Variants in BDP1 observed in about 807,000 individuals in gnomAD.
BDP1 encodes the protein transcription factor TFIIIB component B'' homolog.
A neutral mutation model predicts 266.6 loss-of-function variants in BDP1; 169 were observed. That is an observed-to-expected ratio of 0.63 (90% CI 0.56 to 0.72). The LOEUF is 0.72. BDP1 is among the 30% of genes least tolerant of loss of function. The pLI, the probability that BDP1 is intolerant of heterozygous loss-of-function variation, is 0.00. For synonymous variants in BDP1, 1,090 were observed against 1,022.4 expected (o/e 1.07, Z -1.26); for missense variants, 3,015 against 3,053.8 (o/e 0.99, Z 0.30).
In BDP1 at chr5:71,510,893, A is replaced by G. The variant is rs949106266; in HGVS notation, c.3801A>G (p.Lys1267=). The G allele has an allele frequency of 2.5e-6, 4 of 1,613,826 alleles. No individual in the cohort carries two copies. Among genetic ancestry groups the G allele is most frequent in the Non-Finnish European group, 1.7e-6 (2 of 1,179,794 alleles). ...AAAGAGACATTCCCATCATGGAGAAAGTATCAGGAAAGATGGCTGTTGTTG... is the reference window on the plus strand; with the variant it reads ...AAAGAGACATTCCCATCATGGAGAAGGTATCAGGAAAGATGGCTGTTGTTG... ...TGKRDIPIME[K]VSGKMAVVEE... The change falls in exon 17 of 39, where the codon AAA becomes AAG. Residue 1267 remains lysine, a synonymous_variant. Coordinates refer to ENST00000358731, the MANE Select transcript of BDP1 (RefSeq NM_018429.3).
At chr5:71,562,624 A>G in intron 38 of BDP1, 104 bp downstream of exon 38, 1 of 1,502,966 alleles carries the variant, frequency 6.7e-7, no homozygotes, top group South Asian at 1.2e-5. Flanking sequence ...GATGTCAGAA[A>G]TTATTTTAGA....
intron 13 of BDP1, 147 bp downstream of exon 13, chr5:71,497,573 G>A (rs764290641): frequency 1.3e-5 from 8 of 614,528 alleles, no homozygotes; most frequent in Middle Eastern, 4.3e-4. Context: ...AGATTTGTTC[G>A]TATCTTATTA....
At chr5:71,549,691 T>A in intron 34 of BDP1, 85 bp downstream of exon 34, 1 of 1,094,278 alleles carries the variant, frequency 9.1e-7, no homozygotes, top group Non-Finnish European at 1.3e-6. Context: ...CATTCACCAA[T>A]GTTAGTTGTT....
At chr5:71,561,787 G>A (rs1001649010) in intron 37 of BDP1, among the ~76,000 whole-genome samples, 4 of 152,160 alleles carry the variant, frequency 2.6e-5, no homozygotes, top group Non-Finnish European at 5.9e-5. Context: ...GGCCATGCCC[G>A]CTACCAACTG....
intron 23 of BDP1, 50 bp from the exon 24 acceptor site, chr5:71,522,706 A>G: frequency 4.0e-6 from 6 of 1,512,310 alleles, no homozygotes; most frequent in Middle Eastern, 1.8e-4. Flanking sequence ...CCAAATTAAC[A>G]TAGAGATTGT....
intron 25 of BDP1, among the ~76,000 whole-genome samples, chr5:71,530,342 C>T (rs947180959): frequency 2.0e-5 from 3 of 152,138 alleles, no homozygotes; most frequent in Admixed American, 2.0e-4. Context: ...TCAAGCAATC[C>T]TCCCACCTCA....
At chr5:71,548,597 C>A (rs1158350115) in intron 32 of BDP1, 85 bp from the exon 33 acceptor site, 1 of 824,824 alleles carries the variant, frequency 1.2e-6, no homozygotes. Context: ...GAGTTAATCT[C>A]TTCACTATAT....
intron 34 of BDP1, among the ~76,000 whole-genome samples, chr5:71,550,659 CATTAATTAAGATAAT>C (rs1335146604): frequency 6.6e-6 from 1 of 151,944 alleles, no homozygotes; most frequent in Non-Finnish European, 1.5e-5. Context: ...TCTTAACTAC[CATTAATTAAGATAAT>C]TGTCCATCGT....
chr5:71,560,525 A>G (rs1743568076), intron 37 of BDP1, among the ~76,000 whole-genome samples: 1 of 152,234 alleles, frequency 6.6e-6, no homozygotes, highest in Admixed American at 6.5e-5. Context: ...TACATAATCT[A>G]CCATGTTCAG....
rs1764454911 is a variant in BDP1, at chr5:71,504,478, A to G, written c.2242-143A>G. The G allele has an allele frequency of 8.3e-6, 6 of 724,090 alleles. No individual in the cohort carries two copies. The Admixed American group carries it at 1.3e-4, about 16-fold the overall frequency. The allele number at this position is 724,090 out of a possible 1,614,324, so 44.9% of individuals were successfully genotyped here. A position where few individuals can be genotyped will look rare whatever the true frequency, so the allele number is the denominator to read the frequency against. The stretch of plus-strand genomic sequence containing the variant: ...TGAAATTTTCTAAGATAGCTAAAGA[A>G]AAAACATTAAAAGTATTTTAAAGTC... On this transcript the variant is annotated intron_variant, in intron 15 of 38. Transcript: ENST00000358731.
At chr5:71,468,832 C>G (rs906102884) in intron 6 of BDP1, among the ~76,000 whole-genome samples, 1 of 151,778 alleles carries the variant, frequency 6.6e-6, no homozygotes, top group Non-Finnish European at 1.5e-5. Context: ...GTCTCGAACT[C>G]CTGACCTCAG....
chr5:71,504,900 G>T (rs1764492519), intron 16 of BDP1, 149 bp downstream of exon 16: 2 of 736,584 alleles, frequency 2.7e-6, no homozygotes, highest in African/African-American at 3.6e-5. Flanking sequence ...CACCTTTCAA[G>T]AAAGTTTATG....
intron 7 of BDP1, among the ~76,000 whole-genome samples, chr5:71,478,839 C>T (rs1045613008): frequency 3.3e-5 from 5 of 152,110 alleles, no homozygotes; most frequent in Admixed American, 1.3e-4. Context: ...CCCCATGTGA[C>T]GTTCTACAGG....
intron 9 of BDP1, among the ~76,000 whole-genome samples, chr5:71,488,700 A>G (rs896828570): frequency 6.7e-6 from 1 of 148,752 alleles, no homozygotes; most frequent in Non-Finnish European, 1.5e-5. Context: ...AAGTGCTAGG[A>G]TTACAGGCGT....
At chr5:71,523,469 G>A (rs1418304633) in intron 24 of BDP1, among the ~76,000 whole-genome samples, 6 of 152,002 alleles carry the variant, frequency 3.9e-5, no homozygotes, top group African/African-American at 1.4e-4. Context: ...GTGCACCACC[G>A]TGCCCAGCTA....
rs187633769 is a variant in BDP1 at position 71,529,561 on chromosome 5, C to T, written c.5773-2747C>T. Among the ~76,000 whole-genome samples the T allele has an allele frequency of 7.6e-3, 1,153 of 152,166 alleles. 22 individuals carry two copies. Among genetic ancestry groups the T allele is most frequent in the Middle Eastern group, 0.017 (5 of 294 alleles). ...AATAAATTAGCAAGGTGTGTTGGTG[C>T]GTATCTATAATCCCAGCTACTCAGA... is the stretch of plus-strand genomic sequence containing the variant. On this transcript the variant is annotated intron_variant, in intron 25 of 38. Transcript: ENST00000358731.
intron 2 of BDP1, 72 bp from the exon 3 acceptor site, chr5:71,461,745 G>C: frequency 1.2e-6 from 1 of 840,892 alleles, no homozygotes; most frequent in Admixed American, 2.2e-5. Flanking sequence ...ACAGTGGACT[G>C]TATATTTGCA....
At chr5:71,553,649 C>T (rs1162589445) in intron 35 of BDP1, among the ~76,000 whole-genome samples, 3 of 152,090 alleles carry the variant, frequency 2.0e-5, no homozygotes, top group South Asian at 2.1e-4. Context: ...AGATACTTCA[C>T]CTCTCTCTCT....
intron 3 of BDP1, 27 bp downstream of exon 3, chr5:71,461,953 T>G (rs952991458): frequency 1.1e-6 from 1 of 870,848 alleles, no homozygotes; most frequent in Non-Finnish European, 1.9e-6. Context: ...TCTGCTTTAC[T>G]ATCTCTTTTT....
Sources: allele counts gnomAD v4.1 joint callset (sites outside exome capture counted in the v4.1 genomes callset), GRCh38; gene constraint gnomAD v4.1.1; transcripts MANE v1.5; gene names NCBI Gene and HGNC (gene_info 2026-07-23, HGNC 2026-07-21).